The following CEP41 variants were observed in gnomAD, a reference collection of about 807,000 sequenced individuals.
CEP41 encodes centrosomal protein 41, also known as centrosomal protein of 41 kDa.
In CEP41, 32 loss-of-function variants were observed where a neutral mutation model predicts 44.3. That is an observed-to-expected ratio of 0.72 (90% CI 0.54 to 0.97). The LOEUF (loss-of-function observed/expected upper bound fraction) is 0.97, where lower values mean the gene tolerates loss of function less well. CEP41 is among the 50% of genes least tolerant of loss of function. CEP41 has a pLI of 0.00. For missense variants in CEP41, 432 were observed against 455.2 expected (o/e 0.95, Z 0.46); for synonymous variants, 151 against 168.5 (o/e 0.90, Z 0.80).
At position 130,397,684 on chromosome 7, in the gene CEP41, A is replaced by G. The variant is rs1554415392; in HGVS notation, c.*1207T>C. 2.2e-6 allele frequency: 1 copy of G among 453,948 alleles called. No homozygotes were observed. The highest frequency in any genetic ancestry group is 4.4e-6 in the Non-Finnish European group (1 of 226,714). The allele number at this position is 453,948 out of a possible 1,614,324, so 28.1% of individuals were successfully genotyped here. A position where few individuals can be genotyped will look rare whatever the true frequency, so the allele number is the denominator to read the frequency against. On this transcript the variant is annotated 3_prime_UTR_variant, in exon 11 of 11. Transcript: ENST00000223208. ...TCCCTTATCACAGCTACGATCACAG[A>G]CCATAAAAATTAACACCGCTCTTTT...
intron 5 of CEP41, among the ~76,000 whole-genome samples, chr7:130,405,666 G>A (rs1796987422): frequency 6.6e-6 from 1 of 152,110 alleles, no homozygotes; most frequent in South Asian, 2.1e-4. Context: ...AATGGCCAGT[G>A]CATGATGTTA....
chr7:130,424,791 G>A (rs1241407195), intron 2 of CEP41, among the ~76,000 whole-genome samples: 1 of 151,996 alleles, frequency 6.6e-6, no homozygotes, highest in African/African-American at 2.4e-5. Flanking sequence ...TCGAGGCCAG[G>A]CAAAGACTTT....
chr7:130,398,855 GGAA>G lies in CEP41; in HGVS notation c.*33_*35del. 6.2e-7 allele frequency: 1 copy of G among 1,612,880 alleles called. No individual in the cohort carries two copies. The highest frequency in any genetic ancestry group is 8.5e-7 in the Non-Finnish European group (1 of 1,178,886). ...GAAATGCTCAGGGGTTCTGAAAAGA[GGAA>G]GAACATTTATTTGCCTAAGTGAGAC... On this transcript the variant is annotated 3_prime_UTR_variant, in exon 11 of 11. Transcript: ENST00000223208.
In CEP41 at chr7:130,397,832, A is replaced by G; in HGVS notation, c.*1059T>C. 2.2e-6 allele frequency: 1 copy of G among 446,856 alleles called. No individual in the cohort carries two copies. The highest frequency in any genetic ancestry group is 4.5e-6 in the Non-Finnish European group (1 of 220,838). The allele number at this position is 446,856 out of a possible 1,614,324, so 27.7% of individuals were successfully genotyped here. A position where few individuals can be genotyped will look rare whatever the true frequency, so the allele number is the denominator to read the frequency against. On this transcript the variant is annotated 3_prime_UTR_variant, in exon 11 of 11. Coordinates refer to ENST00000223208, the MANE Select transcript of CEP41 (RefSeq NM_018718.3). The stretch of plus-strand genomic sequence containing the variant: ...ATTCAAAATTCCGGCCAAAACCAGA[A>G]TCTATAATCACAACTTCCTAATCAC...
chr7:130,397,147 A>G lies in CEP41; in HGVS notation c.*1744T>C, dbSNP rs1284391483. ...TCTATCTATGCTGTAAAGAAAATAC[A>G]AAGCCAGAGCATTTTGGCATTAGCA... is the stretch of plus-strand genomic sequence containing the variant. On this transcript the variant is annotated 3_prime_UTR_variant, in exon 11 of 11. Transcript: ENST00000223208. 4.4e-6 allele frequency: 2 copies of G among 454,574 alleles called. No homozygotes were observed. Among genetic ancestry groups the G allele is most frequent in the East Asian group, 1.4e-4 (2 of 14,400 alleles). 28.2% of individuals were successfully genotyped at this position (454,574 alleles called of 1,614,324 possible).
intron 2 of CEP41, chr7:130,421,618 G>A: frequency 9.9e-7 from 1 of 1,007,176 alleles, no homozygotes; most frequent in Non-Finnish European, 1.2e-6. Context: ...AAGAAAAGAG[G>A]GAATGAATAG....
rs1554415724 is a variant in CEP41 at position 130,398,312 on chromosome 7, C to T, written c.*579G>A. 3 of 453,964 alleles carry T rather than the reference C, an allele frequency of 6.6e-6. No individual in the cohort carries two copies. The Admixed American group carries it at 7.0e-5, about 11-fold the overall frequency. The allele number at this position is 453,964 out of a possible 1,614,324, so 28.1% of individuals were successfully genotyped here. A position where few individuals can be genotyped will look rare whatever the true frequency, so the allele number is the denominator to read the frequency against. ...CAGTGAGTACACAGGCACTGGCTTC[C>T]ATACTCAAAACAGGGCCTGCAATAT... On this transcript the variant is annotated 3_prime_UTR_variant, in exon 11 of 11. Transcript: ENST00000223208.
At chr7:130,437,465 A>C (rs1798000594) in intron 1 of CEP41, among the ~76,000 whole-genome samples, 1 of 152,036 alleles carries the variant, frequency 6.6e-6, no homozygotes, top group Non-Finnish European at 1.5e-5. Context: ...TAGACCACTA[A>C]GCAATGTTTT....
At chr7:130,420,780 A>C (rs1289897232) in intron 2 of CEP41, 1 of 551,558 alleles carries the variant, frequency 1.8e-6, no homozygotes, top group East Asian at 1.5e-4. Context: ...TCAATAAATA[A>C]ATAAATAAAT....
At chr7:130,399,272 C>T (rs902177185) in intron 10 of CEP41, 4 of 562,150 alleles carry the variant, frequency 7.1e-6, no homozygotes, top group African/African-American at 5.7e-5. Context: ...TTTTTCCCTT[C>T]CTCTCCAACA....
chr7:130,441,256 C>T, upstream of CEP41: 1 of 113,516 alleles, frequency 8.8e-6, no homozygotes, highest in Non-Finnish European at 1.6e-5. Flanking sequence ...AAGAGAGGCG[C>T]GGGGGGAGGG....
chr7:130,399,401 C>T, intron 10 of CEP41: 1 of 301,200 alleles, frequency 3.3e-6, no homozygotes, highest in Non-Finnish European at 6.3e-6. Context: ...GAAGACAAAC[C>T]ACAGAGGCTC....
rs782027698 is a variant in CEP41, at chr7:130,428,069, T to A, written c.34-51A>T. 26 of 1,231,784 alleles carry A rather than the reference T, an allele frequency of 2.1e-5. No homozygotes were observed. In the South Asian group the frequency reaches 3.1e-4, roughly 15 times the overall value. The allele number at this position is 1,231,784 out of a possible 1,614,324, so 76.3% of individuals were successfully genotyped here. ...AATTGGGTTAATGTAAGGATAACGA[T>A]AAGGTAAAGTCAGGAGTCAGATACT... On this transcript the variant is annotated intron_variant, in intron 1 of 10. Coordinates refer to ENST00000223208, the MANE Select transcript of CEP41 (RefSeq NM_018718.3).
At chr7:130,403,296 A>AGCTCTATGG (rs543701259) in intron 6 of CEP41, among the ~76,000 whole-genome samples, 86 of 152,368 alleles carry the variant, frequency 5.6e-4, no homozygotes, top group African/African-American at 1.9e-3. Context: ...TTGAGTCTTA[A>AGCTCTATGG]TACTTACATA....
intron 2 of CEP41, among the ~76,000 whole-genome samples, chr7:130,418,720 T>G (rs1247865232): frequency 6.6e-6 from 1 of 152,230 alleles, no homozygotes; most frequent in African/African-American, 2.4e-5. Context: ...CTTTTTTTGT[T>G]GTGTTGTTGT....
intron 1 of CEP41, 110 bp downstream of exon 1, chr7:130,440,824 C>G (rs1278164314): frequency 1.6e-6 from 2 of 1,242,328 alleles, no homozygotes; most frequent in African/African-American, 3.0e-5. Context: ...CACGCCGGCC[C>G]CTTCCCGCCT....
chr7:130,399,000 T>C lies in CEP41; in HGVS notation c.1013A>G (p.Lys338Arg). 1 of 1,614,168 alleles carries C rather than the reference T, an allele frequency of 6.2e-7. No individual in the cohort carries two copies. The highest frequency in any genetic ancestry group is 8.5e-7 in the Non-Finnish European group (1 of 1,180,032). Residue 338 changes from lysine to arginine, a missense_variant, in exon 11 of 11, where the codon AAG becomes AGG. Coordinates refer to ENST00000223208, the MANE Select transcript of CEP41 (RefSeq NM_018718.3). ...CTGAGCGCTTCGGGCACCAGGCACC[T>C]TGGACTCTCTTCCGGAGGAGTTAGC... ...NQANSSGRESKVPGARSAQNL... is the reference protein window; with the variant it reads ...NQANSSGRESRVPGARSAQNL...
intron 1 of CEP41, among the ~76,000 whole-genome samples, chr7:130,433,700 G>C (rs555937549): frequency 6.6e-6 from 1 of 152,298 alleles, no homozygotes; most frequent in Non-Finnish European, 1.5e-5. Flanking sequence ...TATCTTCTGG[G>C]AAGATTCCTC....
intron 3 of CEP41, among the ~76,000 whole-genome samples, chr7:130,413,949 C>A (rs1797260600): frequency 2.0e-5 from 3 of 152,160 alleles, no homozygotes; most frequent in African/African-American, 7.2e-5. Flanking sequence ...ATTGCTATGG[C>A]CTTCACAGCA....
Sources: gnomAD v4.1 joint callset for allele counts (sites outside exome capture counted in the v4.1 genomes callset) on GRCh38, gnomAD v4.1.1 for gene constraint, MANE v1.5 for transcripts, NCBI Gene and HGNC (gene_info 2026-07-23, HGNC 2026-07-21) for gene names.